The following SDHC variants were observed in gnomAD, a reference collection of about 807,000 sequenced individuals.
The protein encoded by SDHC is succinate dehydrogenase cytochrome b560 subunit, mitochondrial.
Under a neutral mutation model 22.6 loss-of-function variants are expected in SDHC, and 11 were observed. The observed-to-expected ratio is 0.49, with a 90% confidence interval of 0.31 to 0.81. The LOEUF (loss-of-function observed/expected upper bound fraction) is 0.81. Among genes scored for constraint, SDHC ranks in the 30% least tolerant of loss-of-function variants. SDHC has a pLI of 0.05. For missense variants in SDHC, 160 were observed against 212.0 expected, an observed-to-expected ratio of 0.75 and a Z score of 1.52; for synonymous variants, 80 against 77.8, an observed-to-expected ratio of 1.03 and a Z score of -0.15.
rs1403146281 is a variant in SDHC at position 161,314,437 on chromosome 1, G to GTA, written c.20+12_20+13insTA. ...GCGCTGTTGCTGAGGTGACTTCAGT[G>GTA]GGACTGGGAGTTGGTGCCTGCGGCC... On this transcript the variant is annotated intron_variant, in intron 1 of 5. Transcript: ENST00000367975. The GTA allele has an allele frequency of 2.5e-6, 4 of 1,613,910 alleles. No homozygotes were observed. Among genetic ancestry groups the GTA allele is most frequent in the African/African-American group, 2.7e-5 (2 of 74,878 alleles).
At chr1:161,328,545 G>A (rs756838484) in intron 3 of SDHC, 48 bp downstream of exon 3, 5 of 1,314,810 alleles carry the variant, frequency 3.8e-6, no homozygotes, top group African/African-American at 1.4e-5. Flanking sequence ...GTGGGTGAAA[G>A]TTCTGAAGGT....
Position 161,363,010 on chromosome 1 carries a change from G to C in SDHC, c.*577G>C, listed in dbSNP as rs1046129834. On this transcript the variant is annotated 3_prime_UTR_variant, in exon 6 of 6. Transcript: ENST00000367975. ...AGAGGGCTAGTTAGTTCTTGGAGCA[G>C]CTGCTTTTGAGGAGAAAATATATAG... 6 of 249,304 alleles carry C rather than the reference G, an allele frequency of 2.4e-5. No homozygotes were observed. The highest frequency in any genetic ancestry group is 3.2e-5 in the Non-Finnish European group (4 of 125,818). The allele number at this position is 249,304 out of a possible 1,614,324, so 15.4% of individuals were successfully genotyped here.
intron 4 of SDHC, among the ~76,000 whole-genome samples, chr1:161,350,211 G>A (rs932579416): frequency 3.9e-5 from 6 of 152,032 alleles, no homozygotes; most frequent in East Asian, 1.9e-4. Context: ...ACCCGGCCTC[G>A]TTTTTAAACA....
chr1:161,356,604 G>T, intron 4 of SDHC, 73 bp from the exon 5 acceptor site: 1 of 1,452,134 alleles, frequency 6.9e-7, no homozygotes, highest in South Asian at 1.1e-5. Flanking sequence ...AGGTGCCAGG[G>T]GTCCCAGTTT....
intron 4 of SDHC, among the ~76,000 whole-genome samples, chr1:161,349,380 G>T (rs1416620106): frequency 1.3e-5 from 2 of 151,992 alleles, no homozygotes; most frequent in Admixed American, 1.3e-4. Flanking sequence ...CACGAGAATC[G>T]CTTGAACCCA....
intron 2 of SDHC, among the ~76,000 whole-genome samples, chr1:161,325,376 A>G (rs759013780): frequency 6.6e-6 from 1 of 151,722 alleles, no homozygotes; most frequent in African/African-American, 2.4e-5. Flanking sequence ...AATAAGAAAC[A>G]GCTATCCTCA....
chr1:161,343,278 G>A lies in SDHC; in HGVS notation c.241+2623G>A, dbSNP rs570293040. On this transcript the variant is annotated intron_variant, in intron 4 of 5. Transcript: ENST00000367975. Reference sequence around the variant, plus strand: ...AGTAGGGCCAGTGGCTCTAGTGTAGGGATCCTGTATTTAAGGAACTGCTGA... The same window carrying A: ...AGTAGGGCCAGTGGCTCTAGTGTAGAGATCCTGTATTTAAGGAACTGCTGA... Among the ~76,000 whole-genome samples, 3 of 152,210 alleles carry A rather than the reference G, an allele frequency of 2.0e-5. No homozygotes were observed. The East Asian group carries it at 5.8e-4, about 29-fold the overall frequency.
chr1:161,322,415 T>C lies in SDHC; in HGVS notation c.21-1199T>C, dbSNP rs546126050. ...TTTTTATTCCCATTTTTTTGCACATTATAATAATTACATGAAAGACTTTTT... is the reference window on the plus strand; with the variant it reads ...TTTTTATTCCCATTTTTTTGCACATCATAATAATTACATGAAAGACTTTTT... On this transcript the variant is annotated intron_variant, in intron 1 of 5. Coordinates refer to ENST00000367975, the MANE Select transcript of SDHC (RefSeq NM_003001.5). 2.6e-5 allele frequency among the ~76,000 whole-genome samples: 4 copies of C among 152,288 alleles called. No homozygotes were observed. In the East Asian group the frequency reaches 7.7e-4, roughly 29 times the overall value.
intron 3 of SDHC, among the ~76,000 whole-genome samples, chr1:161,334,496 G>A (rs538759767): frequency 6.6e-6 from 1 of 152,166 alleles, no homozygotes; most frequent in Non-Finnish European, 1.5e-5. Flanking sequence ...AAAACTTGTG[G>A]GGCATGATCA....
chr1:161,317,719 G>A (rs1158597991), intron 1 of SDHC, among the ~76,000 whole-genome samples: 1 of 151,120 alleles, frequency 6.6e-6, no homozygotes, highest in Non-Finnish European at 1.5e-5. Flanking sequence ...GTGCCACCAT[G>A]CCAGGCTAAT....
chr1:161,361,668 T>C (rs1429788560), intron 5 of SDHC, among the ~76,000 whole-genome samples: 1 of 151,960 alleles, frequency 6.6e-6, no homozygotes, highest in Non-Finnish European at 1.5e-5. Flanking sequence ...TGAAACCCCA[T>C]CTCTACTAAA....
At chr1:161,335,597 A>G (rs1425429997) in intron 3 of SDHC, among the ~76,000 whole-genome samples, 1 of 152,056 alleles carries the variant, frequency 6.6e-6, no homozygotes, top group African/African-American at 2.4e-5. Context: ...ATACTTTGTT[A>G]TTATTTATTT....
chr1:161,349,841 C>T (rs1295479578), intron 4 of SDHC, among the ~76,000 whole-genome samples: 1 of 152,152 alleles, frequency 6.6e-6, no homozygotes, highest in East Asian at 1.9e-4. Flanking sequence ...AGTTATTTGT[C>T]ACCACACCTG....
intron 2 of SDHC, among the ~76,000 whole-genome samples, chr1:161,326,955 G>T (rs1671079419): frequency 6.6e-6 from 1 of 151,950 alleles, no homozygotes; most frequent in Admixed American, 6.6e-5. Context: ...GTAGAGTGTT[G>T]CTCTGTTGCC....
intron 1 of SDHC, among the ~76,000 whole-genome samples, chr1:161,319,222 A>T (rs187376907): frequency 4.0e-5 from 6 of 150,874 alleles, no homozygotes; most frequent in African/African-American, 1.2e-4. Flanking sequence ...ACTCTGTCTT[A>T]AAATAAATAA....
At chr1:161,339,431 C>T in intron 3 of SDHC, 1 of 327,696 alleles carries the variant, frequency 3.1e-6, no homozygotes, top group Non-Finnish European at 5.4e-6. Context: ...ACGGCCCCCG[C>T]CTTGGCCTCC....
At chr1:161,335,099 C>G (rs900581350) in intron 3 of SDHC, among the ~76,000 whole-genome samples, 1 of 152,178 alleles carries the variant, frequency 6.6e-6, no homozygotes, top group African/African-American at 2.4e-5. Context: ...TTTGTTATGA[C>G]CTTGACGTTT....
chr1:161,343,292 A>G (rs564729301), intron 4 of SDHC, among the ~76,000 whole-genome samples: 43 of 152,220 alleles, frequency 2.8e-4, no homozygotes, highest in Non-Finnish European at 3.7e-4. Context: ...CCTGTATTTA[A>G]GGAACTGCTG....
intron 1 of SDHC, among the ~76,000 whole-genome samples, chr1:161,320,181 T>C (rs1204642363): frequency 6.6e-6 from 1 of 152,104 alleles, no homozygotes; most frequent in Non-Finnish European, 1.5e-5. Context: ...TGGAATGAAT[T>C]TTCCTAGCTG....
Sources: allele counts gnomAD v4.1 joint callset (sites outside exome capture counted in the v4.1 genomes callset), GRCh38; gene constraint gnomAD v4.1.1; transcripts MANE v1.5; gene names NCBI Gene and HGNC (gene_info 2026-07-23, HGNC 2026-07-21).